Variants in LIFR observed in about 807,000 individuals in gnomAD.
LIFR encodes leukemia inhibitory factor receptor.
LIFR carries 84 observed loss-of-function variants against 122.2 expected under a neutral mutation model. The observed-to-expected ratio is 0.69, with a 90% CI of 0.58 to 0.82. The LOEUF is 0.82. Ranked by LOEUF, LIFR falls within the 40% of genes least tolerant of loss-of-function variation. The probability of loss-of-function intolerance (pLI) is 0.00; values close to 1 mark genes in which losing one functional copy is unlikely to be tolerated. For synonymous variants in LIFR, 422 were observed against 434.7 expected (o/e 0.97, Z 0.36); for missense variants, 1,294 against 1,311.6 (o/e 0.99, Z 0.21).
intron 1 of LIFR, among the ~76,000 whole-genome samples, chr5:38,583,110 A>G (rs1665540971): frequency 1.3e-5 from 2 of 152,218 alleles, no homozygotes; most frequent in Admixed American, 1.3e-4. Context: ...CCTTGCACAT[A>G]CGTAACGTGT....
chr5:38,532,167 C>A, intron 1 of LIFR, among the ~76,000 whole-genome samples: 1 of 152,000 alleles, frequency 6.6e-6, no homozygotes, highest in Admixed American at 6.5e-5. Context: ...TGAAACAGTC[C>A]CTCACTACAA....
At position 38,510,689 on chromosome 5, in the gene LIFR, GA is replaced by G; in HGVS notation, c.765del (p.Pro256LeufsTer5). On this transcript the variant is annotated frameshift_variant, in exon 7 of 20. Transcript: ENST00000453190. LOFTEE classifies it high-confidence loss of function. ...SWIPDSQTKV[F>X]PQDKVILVGS... Reference sequence around the variant, plus strand: ...CCTACAAGTATCACTTTATCTTGAGGAAAAACCTTAGTCTGAGAATCAGGTA... The same window carrying G: ...CCTACAAGTATCACTTTATCTTGAGGAAAACCTTAGTCTGAGAATCAGGTA... 2 of 1,612,930 alleles carry G rather than the reference GA, an allele frequency of 1.2e-6. No individual in the cohort carries two copies. The highest frequency in any genetic ancestry group is 2.2e-5 in the East Asian group (1 of 44,848).
intron 1 of LIFR, among the ~76,000 whole-genome samples, chr5:38,586,941 C>A (rs1283608246): frequency 1.3e-5 from 2 of 152,132 alleles, no homozygotes; most frequent in African/African-American, 4.8e-5. Flanking sequence ...AGAAATCCAT[C>A]AATTAAGCAT....
At chr5:38,588,825 A>T (rs935576356) in intron 1 of LIFR, among the ~76,000 whole-genome samples, 2 of 152,140 alleles carry the variant, frequency 1.3e-5, no homozygotes, top group Non-Finnish European at 2.9e-5. Flanking sequence ...TAGAACTGGA[A>T]TTACTCTAGA....
intron 11 of LIFR, among the ~76,000 whole-genome samples, chr5:38,500,083 C>T (rs865833234): frequency 6.6e-6 from 1 of 152,196 alleles, no homozygotes; most frequent in Non-Finnish European, 1.5e-5. Flanking sequence ...TCACCCCCTC[C>T]TTATCCCTCA....
intron 1 of LIFR, 115 bp from the exon 2 acceptor site, chr5:38,530,781 G>T (rs745499414): frequency 8.6e-6 from 8 of 929,822 alleles, no homozygotes; most frequent in Non-Finnish European, 1.4e-5. Flanking sequence ...TGTACATTTA[G>T]AGACTTTGGA....
At chr5:38,509,873 T>C (rs911502903) in intron 7 of LIFR, among the ~76,000 whole-genome samples, 5 of 152,166 alleles carry the variant, frequency 3.3e-5, no homozygotes, top group Non-Finnish European at 7.3e-5. Flanking sequence ...GGAAATACCA[T>C]GGAATTTTAG....
intron 1 of LIFR, among the ~76,000 whole-genome samples, chr5:38,593,125 C>T (rs1749982801): frequency 6.6e-6 from 1 of 152,124 alleles, no homozygotes; most frequent in South Asian, 2.1e-4. Flanking sequence ...ATCCCTTGAA[C>T]CCAGGAGGCG....
At chr5:38,530,770 C>A in intron 1 of LIFR, 104 bp from the exon 2 acceptor site, 1 of 1,053,970 alleles carries the variant, frequency 9.5e-7, no homozygotes, top group Non-Finnish European at 1.5e-6. Context: ...TTCTGAAACA[C>A]TGTACATTTA....
At chr5:38,551,729 A>G (rs908113723) in intron 1 of LIFR, among the ~76,000 whole-genome samples, 2 of 152,186 alleles carry the variant, frequency 1.3e-5, no homozygotes, top group Non-Finnish European at 2.9e-5. Flanking sequence ...GGAAGCCAAG[A>G]TTTTCACCTC....
chr5:38,585,050 G>A (rs1163274816), intron 1 of LIFR, among the ~76,000 whole-genome samples: 1 of 152,082 alleles, frequency 6.6e-6, no homozygotes, highest in African/African-American at 2.4e-5. Context: ...TTCTTCATAG[G>A]ATATTGTATG....
intron 18 of LIFR, among the ~76,000 whole-genome samples, chr5:38,484,196 T>A (rs577065245): frequency 4.3e-4 from 65 of 152,344 alleles, no homozygotes; most frequent in African/African-American, 1.4e-3. Context: ...CGTAGCCCCC[T>A]GCTGGTCTCC....
intron 2 of LIFR, among the ~76,000 whole-genome samples, chr5:38,604,286 G>A (rs762477587): frequency 6.6e-6 from 1 of 152,128 alleles, no homozygotes; most frequent in Non-Finnish European, 1.5e-5. Flanking sequence ...GAGGAGAAAG[G>A]GGCAAGGCAG....
chr5:38,505,518 T>A (rs1205904704), intron 9 of LIFR, among the ~76,000 whole-genome samples: 1 of 151,872 alleles, frequency 6.6e-6, no homozygotes, highest in Non-Finnish European at 1.5e-5. Flanking sequence ...GAGTGTCAAT[T>A]CCCTGGTTCT....
chr5:38,570,063 A>G (rs1749159411), intron 1 of LIFR, among the ~76,000 whole-genome samples: 1 of 152,156 alleles, frequency 6.6e-6, no homozygotes, highest in Admixed American at 6.5e-5. Flanking sequence ...GAGATTCTGG[A>G]CCCATACTAT....
upstream of LIFR, among the ~76,000 whole-genome samples, chr5:38,560,215 G>A (rs528880767): frequency 5.3e-5 from 8 of 151,752 alleles, no homozygotes; most frequent in South Asian, 1.0e-3. Context: ...TTTATTAACC[G>A]GTGAATAATT....
chr5:38,568,305 A>G (rs1242921348), intron 1 of LIFR, among the ~76,000 whole-genome samples: 2 of 152,142 alleles, frequency 1.3e-5, no homozygotes, highest in Admixed American at 1.3e-4. Flanking sequence ...GGCCTTCTTG[A>G]GAAGGAATTT....
chr5:38,539,588 AC>A (rs1427127303), intron 1 of LIFR, among the ~76,000 whole-genome samples: 1 of 152,096 alleles, frequency 6.6e-6, no homozygotes, highest in Admixed American at 6.5e-5. Context: ...AAGCTGACAA[AC>A]TTTATGCTTT....
Position 38,594,539 on chromosome 5 carries a change from G to A in LIFR, c.-20+722C>T, listed in dbSNP as rs1055461815. Among the ~76,000 whole-genome samples the A allele has an allele frequency of 3.9e-5, 6 of 152,170 alleles. No individual in the cohort carries two copies. In the East Asian group the frequency reaches 1.2e-3, roughly 29 times the overall value. ...AGATGTTACTAACAGGGGAGACTGG[G>A]AGTGGGGTGGACAGGGTGGGCAGGG... On this transcript the variant is annotated intron_variant, in intron 1 of 19. Coordinates refer to the LIFR transcript ENST00000263409.
Sources: allele counts gnomAD v4.1 joint callset (sites outside exome capture counted in the v4.1 genomes callset), GRCh38; gene constraint gnomAD v4.1.1; transcripts MANE v1.5; gene names NCBI Gene and HGNC (gene_info 2026-07-23, HGNC 2026-07-21).